Variants in UNC13A observed in about 807,000 individuals in gnomAD.
UNC13A encodes the protein unc-13 homolog A.
UNC13A carries 61 observed loss-of-function variants against 219.7 expected under a neutral mutation model. The ratio of observed to expected loss-of-function variants is 0.28; its 90% CI spans 0.23 to 0.34. The LOEUF (loss-of-function observed/expected upper bound fraction) is 0.34, where lower values mean the gene tolerates loss of function less well. Ranked by LOEUF, UNC13A falls within the 10% of genes least tolerant of loss-of-function variation. The pLI, the probability that UNC13A is intolerant of heterozygous loss-of-function variation, is 1.00. For synonymous variants in UNC13A, 920 were observed against 884.6 expected (o/e 1.04, Z -0.71); for missense variants, 1,476 against 2,270.3 (o/e 0.65, Z 7.11).
intron 11 of UNC13A, among the ~76,000 whole-genome samples, chr19:17,654,856 T>G (rs2079419438): frequency 6.6e-6 from 1 of 152,118 alleles, no homozygotes; most frequent in African/African-American, 2.4e-5. Context: ...TAGTTTTCTC[T>G]CCTCCCTCTA....
At chr19:17,671,958 C>A (rs1599407052) in intron 4 of UNC13A, among the ~76,000 whole-genome samples, 1 of 152,102 alleles carries the variant, frequency 6.6e-6, no homozygotes, top group East Asian at 1.9e-4. Flanking sequence ...CAAGGTAATA[C>A]ATTTTTAGCT....
intron 36 of UNC13A, 80 bp downstream of exon 36, chr19:17,623,462 G>A: frequency 8.6e-7 from 1 of 1,159,666 alleles, no homozygotes; most frequent in Non-Finnish European, 1.2e-6. Context: ...TGGGTGGGGA[G>A]AGGGGTGCAG....
At position 17,656,107 on chromosome 19, in the gene UNC13A, G is replaced by T; in HGVS notation, c.1059C>A (p.Asp353Glu). 1.3e-6 allele frequency: 2 copies of T among 1,552,636 alleles called. No homozygotes were observed. Among genetic ancestry groups the T allele is most frequent in the Non-Finnish European group, 1.7e-6 (2 of 1,147,406 alleles). ...ELEEEEEEVP[D>E]DLGSYAQRED... ...CACGCTGGGCATAGCTGCCCAAATC[G>T]TCAGGCACCTCCTCCTCCTCCTCCT... The change falls in exon 10 of 44, where the codon GAC becomes GAA. Residue 353 changes from aspartate (D) to glutamate (E), a missense_variant. Physicochemically the swap from Asp to Glu is conservative, Grantham distance 45. Around this residue, in one of 14 missense-constraint regions of UNC13A, gnomAD observed 351 missense variants for 342.6 expected, o/e 1.02. Coordinates refer to ENST00000519716, the MANE Select transcript of UNC13A (RefSeq NM_001080421.3).
Position 17,624,763 on chromosome 19 carries a change from C to T in UNC13A, c.4197+66G>A, listed in dbSNP as rs909449875. On this transcript the variant is annotated intron_variant, in intron 35 of 43. Coordinates refer to ENST00000519716, the MANE Select transcript of UNC13A (RefSeq NM_001080421.3). ...TTCTTACCCCCCAGCCTCTAGGCAC[C>T]AAGTTTTCTGGGCTCTCGCCAGGGA... The T allele has an allele frequency of 5.2e-6, 8 of 1,545,750 alleles. No homozygotes were observed. The African/African-American group carries it at 1.1e-4, about 21-fold the overall frequency.
In UNC13A at chr19:17,656,008, GTCC is replaced by G. The variant is rs768725663; in HGVS notation, c.1155_1157del (p.Glu385del). ...CCTCGGTGGGTGCCACTGGGGCCTT[GTCC>G]TCCTTCCCTGGGGCAGCTGGCGGGA... On this transcript the variant is annotated inframe_deletion, in exon 10 of 44. Coordinates refer to ENST00000519716, the MANE Select transcript of UNC13A (RefSeq NM_001080421.3). 2 of 1,581,214 alleles carry G rather than the reference GTCC, an allele frequency of 1.3e-6. No homozygotes were observed. Among genetic ancestry groups the G allele is most frequent in the South Asian group, 2.3e-5 (2 of 85,952 alleles).
intron 7 of UNC13A, among the ~76,000 whole-genome samples, chr19:17,664,126 C>T (rs2145886507): frequency 6.6e-6 from 1 of 152,172 alleles, no homozygotes; most frequent in East Asian, 1.9e-4. Flanking sequence ...AGAGGAAAGG[C>T]TCAGTCAGGA....
At chr19:17,682,397 G>A (rs1004851181) in intron 1 of UNC13A, among the ~76,000 whole-genome samples, 2 of 152,190 alleles carry the variant, frequency 1.3e-5, no homozygotes, top group Non-Finnish European at 2.9e-5. Flanking sequence ...TTCCACAGAT[G>A]AGCACACCAA....
intron 41 of UNC13A, among the ~76,000 whole-genome samples, chr19:17,615,064 C>G (rs1204334081): frequency 6.6e-6 from 1 of 152,208 alleles, no homozygotes; most frequent in Non-Finnish European, 1.5e-5. Context: ...ACTCCCCACT[C>G]CCCAAGTCCC....
chr19:17,632,237 G>C (rs1178732947), intron 28 of UNC13A, among the ~76,000 whole-genome samples: 1 of 152,230 alleles, frequency 6.6e-6, no homozygotes, highest in East Asian at 1.9e-4. Flanking sequence ...TAGAGCTGGG[G>C]TTTCGCCCTA....
chr19:17,664,893 A>G (rs2079613323), intron 7 of UNC13A, among the ~76,000 whole-genome samples: 1 of 152,124 alleles, frequency 6.6e-6, no homozygotes, highest in Non-Finnish European at 1.5e-5. Flanking sequence ...GGAGAAAAGG[A>G]AGATGGAAAA....
In UNC13A at chr19:17,668,030, G is replaced by C. The variant is rs2079693488; in HGVS notation, c.468+87C>G. 1.7e-5 allele frequency: 23 copies of C among 1,385,632 alleles called. 1 individual carries two copies. The Admixed American group carries it at 4.3e-4, about 26-fold the overall frequency. The allele number at this position is 1,385,632 out of a possible 1,614,324, so 85.8% of individuals were successfully genotyped here. On this transcript the variant is annotated intron_variant, in intron 6 of 43. Coordinates refer to ENST00000519716, the MANE Select transcript of UNC13A (RefSeq NM_001080421.3). ...AGAGATGCAGGGAAAGACAAGCTTA[G>C]AGAGAAACAGCATCTGTAAGTGAAA...
At chr19:17,645,011 T>A (rs1319609408) in intron 19 of UNC13A, among the ~76,000 whole-genome samples, 1 of 144,174 alleles carries the variant, frequency 6.9e-6, no homozygotes, top group African/African-American at 2.6e-5. Flanking sequence ...CCTGGATTCT[T>A]TTTTTTTTTT....
intron 9 of UNC13A, among the ~76,000 whole-genome samples, chr19:17,656,757 T>C (rs1487111966): frequency 2.0e-5 from 3 of 146,606 alleles, no homozygotes; most frequent in African/African-American, 7.6e-5. Flanking sequence ...GAGGCTGAGG[T>C]AGAAGAATCA....
chr19:17,606,375 C>A, intron 43 of UNC13A, 21 bp from the exon 44 acceptor site: 1 of 1,538,242 alleles, frequency 6.5e-7, no homozygotes, highest in Non-Finnish European at 8.7e-7. Context: ...AGGGGCGGAA[C>A]GTGAGACAGG....
intron 6 of UNC13A, among the ~76,000 whole-genome samples, 186 bp from the exon 7 acceptor site, chr19:17,666,890 G>C (rs1397052408): frequency 3.1e-5 from 2 of 64,100 alleles, no homozygotes; most frequent in Non-Finnish European, 7.2e-5. Context: ...ACGAGAGAGA[G>C]AGAGAGAGAG....
chr19:17,617,464 T>C (rs2076678437), intron 41 of UNC13A, among the ~76,000 whole-genome samples: 1 of 152,212 alleles, frequency 6.6e-6, no homozygotes, highest in South Asian at 2.1e-4. Context: ...AATCATTGTC[T>C]GGCCCCAGGA....
At chr19:17,632,597 C>CTG (rs79893619) in intron 28 of UNC13A, among the ~76,000 whole-genome samples, 185 bp downstream of exon 28, 114,886 of 152,014 alleles carry the variant, frequency 0.76, 43,524 homozygotes, top group African/African-American at 0.78. Context: ...TTGCTGTTGA[C>CTG]TGAATTTTCT....
chr19:17,606,414 G>A (rs1599818746), intron 43 of UNC13A, 60 bp from the exon 44 acceptor site: 3 of 1,513,364 alleles, frequency 2.0e-6, no homozygotes, highest in Admixed American at 2.0e-5. Context: ...CCCGCCCACG[G>A]CCCCGTCCCC....
At chr19:17,671,858 A>C (rs964868732) in intron 4 of UNC13A, among the ~76,000 whole-genome samples, 6 of 152,190 alleles carry the variant, frequency 3.9e-5, no homozygotes, top group Non-Finnish European at 7.3e-5. Flanking sequence ...GTTGTTACCT[A>C]GCACCTTCTT....
Sources: gnomAD v4.1 joint callset for allele counts (sites outside exome capture counted in the v4.1 genomes callset) on GRCh38, gnomAD v4.1.1 for gene constraint, gnomAD v4.1.1 regional missense constraint, MANE v1.5 for transcripts, NCBI Gene and HGNC (gene_info 2026-07-23, HGNC 2026-07-21) for gene names.